Variants in LRRC4C observed in about 807,000 individuals in gnomAD.
LRRC4C encodes leucine-rich repeat-containing protein 4C.
LRRC4C carries 5 observed loss-of-function variants against 33.6 expected under a neutral mutation model. That is an observed-to-expected ratio of 0.15 (90% CI 0.08 to 0.31). LRRC4C has a LOEUF of 0.31. LRRC4C is among the 10% of genes least tolerant of loss of function. LRRC4C has a pLI of 1.00. For missense variants in LRRC4C, 560 were observed against 796.7 expected (o/e 0.70, Z 3.58); for synonymous variants, 329 against 302.0 (o/e 1.09, Z -0.93).
chr11:40,592,922 A>C (rs1438070288), intron 3 of LRRC4C, among the ~76,000 whole-genome samples: 3 of 152,254 alleles, frequency 2.0e-5, no homozygotes, highest in Non-Finnish European at 4.4e-5. Flanking sequence ...TAGAGGACTC[A>C]GTCTTACTGA....
chr11:40,755,638 G>T (rs957159516), intron 2 of LRRC4C, among the ~76,000 whole-genome samples: 4 of 151,982 alleles, frequency 2.6e-5, no homozygotes, highest in African/African-American at 9.7e-5. Context: ...GTATCTAGAG[G>T]ATAGAGGCCA....
chr11:40,172,251 A>G (rs1860107230), intron 5 of LRRC4C, among the ~76,000 whole-genome samples: 1 of 152,138 alleles, frequency 6.6e-6, no homozygotes, highest in African/African-American at 2.4e-5. Flanking sequence ...GTCTTAGGTT[A>G]TTTTGTTATA....
intron 1 of LRRC4C, among the ~76,000 whole-genome samples, chr11:41,097,136 G>A (rs567205823): frequency 1.3e-5 from 2 of 152,222 alleles, no homozygotes; most frequent in African/African-American, 4.8e-5. Flanking sequence ...GAAGGCATAG[G>A]AAACCTGGAG....
intron 2 of LRRC4C, among the ~76,000 whole-genome samples, chr11:40,820,742 T>A (rs1951897262): frequency 6.6e-6 from 1 of 151,838 alleles, no homozygotes; most frequent in Admixed American, 6.6e-5. Flanking sequence ...CCTGTCATTC[T>A]AACATTAGAA....
intron 1 of LRRC4C, among the ~76,000 whole-genome samples, chr11:41,044,572 C>G (rs1364654033): frequency 6.6e-6 from 1 of 152,052 alleles, no homozygotes; most frequent in Non-Finnish European, 1.5e-5. Context: ...TTACAAAGGT[C>G]AATGGTGGTG....
intron 3 of LRRC4C, among the ~76,000 whole-genome samples, chr11:40,553,830 C>A (rs1421609845): frequency 6.6e-6 from 1 of 152,128 alleles, no homozygotes; most frequent in Non-Finnish European, 1.5e-5. Flanking sequence ...CTCGTAGATT[C>A]TAGATATTTG....
intron 3 of LRRC4C, among the ~76,000 whole-genome samples, chr11:40,368,251 G>T (rs1948301810): frequency 6.6e-6 from 1 of 152,140 alleles, no homozygotes; most frequent in South Asian, 2.1e-4. Flanking sequence ...CTTTGGGAAG[G>T]TTAAAGATCT....
chr11:40,560,832 C>T (rs1957519360), intron 3 of LRRC4C, among the ~76,000 whole-genome samples: 1 of 152,188 alleles, frequency 6.6e-6, no homozygotes, highest in South Asian at 2.1e-4. Context: ...TGCATTTATA[C>T]ACAATATAAC....
chr11:41,214,339 C>A lies in LRRC4C; in HGVS notation c.-496+245092G>T, dbSNP rs191485669. 1.4e-3 allele frequency among the ~76,000 whole-genome samples: 211 copies of A among 152,082 alleles called. 1 individual carries two copies. The highest frequency in any genetic ancestry group is 4.7e-3 in the African/African-American group (195 of 41,448). ...CACTTCCAGGTCCTAGAAAACTGAT[C>A]AGATGTGTGTCAATGGCCACAAACA... On this transcript the variant is annotated intron_variant, in intron 1 of 6. Coordinates refer to ENST00000528697, the MANE Select transcript of LRRC4C (RefSeq NM_001258419.2).
intron 3 of LRRC4C, among the ~76,000 whole-genome samples, chr11:40,521,569 T>C (rs1325243665): frequency 1.3e-5 from 2 of 151,830 alleles, no homozygotes; most frequent in African/African-American, 4.8e-5. Flanking sequence ...CCTCAGAAAA[T>C]GTACAGTATA....
chr11:40,565,308 A>G (rs1005789280), intron 3 of LRRC4C, among the ~76,000 whole-genome samples: 4 of 152,134 alleles, frequency 2.6e-5, no homozygotes. Context: ...TCCCTTCATG[A>G]AAAAAATAAT....
intron 1 of LRRC4C, among the ~76,000 whole-genome samples, chr11:41,146,268 C>T (rs1943723455): frequency 6.6e-6 from 1 of 152,290 alleles, no homozygotes; most frequent in South Asian, 2.1e-4. Flanking sequence ...GACCACCAAA[C>T]ATAATATCTC....
chr11:41,055,170 T>G (rs1858531004), intron 1 of LRRC4C, among the ~76,000 whole-genome samples: 1 of 152,190 alleles, frequency 6.6e-6, no homozygotes, highest in Admixed American at 6.5e-5. Context: ...TATTTAAATT[T>G]TTTTTGTGAA....
At chr11:40,874,158 T>C (rs1044115866) in intron 2 of LRRC4C, among the ~76,000 whole-genome samples, 7 of 152,216 alleles carry the variant, frequency 4.6e-5, no homozygotes, top group Non-Finnish European at 8.8e-5. Flanking sequence ...CTGTCAGATA[T>C]GTACAAGTTT....
chr11:40,475,681 C>T (rs930371078), intron 3 of LRRC4C, among the ~76,000 whole-genome samples: 1 of 152,088 alleles, frequency 6.6e-6, no homozygotes. Flanking sequence ...TTTGGGGGAG[C>T]ATTAGAGTCC....
At chr11:41,103,804 T>C (rs1475891488) in intron 1 of LRRC4C, among the ~76,000 whole-genome samples, 1 of 151,922 alleles carries the variant, frequency 6.6e-6, no homozygotes, top group Non-Finnish European at 1.5e-5. Context: ...TGGCAAAAAA[T>C]TAAGAACTCA....
chr11:41,362,843 A>G (rs1591355065), intron 1 of LRRC4C, among the ~76,000 whole-genome samples: 1 of 152,052 alleles, frequency 6.6e-6, no homozygotes, highest in East Asian at 1.9e-4. Context: ...CCAGCAGTAT[A>G]AAATCTTTTC....
At chr11:40,290,911 A>C (rs1944149936) in intron 4 of LRRC4C, among the ~76,000 whole-genome samples, 1 of 152,056 alleles carries the variant, frequency 6.6e-6, no homozygotes, top group African/African-American at 2.4e-5. Flanking sequence ...TACTCATAAA[A>C]CGGCATCCAA....
chr11:41,172,880 A>G (rs1382168066), intron 1 of LRRC4C, among the ~76,000 whole-genome samples: 1 of 152,180 alleles, frequency 6.6e-6, no homozygotes, highest in Non-Finnish European at 1.5e-5. Context: ...TACAAGATAC[A>G]GAAATGGAAG....
Sources: gnomAD v4.1 joint callset for allele counts (sites outside exome capture counted in the v4.1 genomes callset) on GRCh38, gnomAD v4.1.1 for gene constraint, MANE v1.5 for transcripts, NCBI Gene and HGNC (gene_info 2026-07-23, HGNC 2026-07-21) for gene names.